Variants in FRAS1 observed in about 807,000 individuals in gnomAD.
FRAS1 encodes extracellular matrix organizing protein FRAS1.
FRAS1 carries 290 observed loss-of-function variants against 435.2 expected under a neutral mutation model. That is an observed-to-expected ratio of 0.67 (90% confidence interval 0.61 to 0.73). FRAS1 has a LOEUF of 0.73. FRAS1 is among the 30% of genes least tolerant of loss of function. The pLI is 0.00. For synonymous variants in FRAS1, 1,800 were observed against 1,851.0 expected, an observed-to-expected ratio of 0.97 and a Z score of 0.71; for missense variants, 4,860 against 5,001.5, an observed-to-expected ratio of 0.97 and a Z score of 0.85.
At chr4:78,097,688 C>T (rs1741881049) in intron 2 of FRAS1, among the ~76,000 whole-genome samples, 1 of 152,106 alleles carries the variant, frequency 6.6e-6, no homozygotes, top group African/African-American at 2.4e-5. Context: ...AAGACCTGCC[C>T]CCATCATTCA....
intron 2 of FRAS1, among the ~76,000 whole-genome samples, chr4:78,160,368 T>C (rs1027127090): frequency 1.3e-5 from 2 of 152,232 alleles, no homozygotes; most frequent in African/African-American, 2.4e-5. Context: ...TTTGAATCTA[T>C]TGCCAACATA....
At chr4:78,370,420 T>G (rs1731458032) in intron 23 of FRAS1, among the ~76,000 whole-genome samples, 1 of 152,234 alleles carries the variant, frequency 6.6e-6, no homozygotes, top group African/African-American at 2.4e-5. Context: ...GTTGGATATG[T>G]ATCCTGACAG....
At chr4:78,536,166 G>T (rs1331315303) in intron 71 of FRAS1, among the ~76,000 whole-genome samples, 1 of 149,392 alleles carries the variant, frequency 6.7e-6, no homozygotes, top group Non-Finnish European at 1.5e-5. Flanking sequence ...TTACATCCTT[G>T]AAGCATTCAG....
intron 2 of FRAS1, chr4:78,071,781 T>C (rs1170701104): frequency 2.0e-5 from 3 of 150,922 alleles, no homozygotes; most frequent in Non-Finnish European, 4.4e-5. Context: ...GCTACTATAT[T>C]GGACAGTGCA....
At chr4:78,404,315 A>G (rs1025695644) in intron 30 of FRAS1, among the ~76,000 whole-genome samples, 1 of 152,002 alleles carries the variant, frequency 6.6e-6, no homozygotes, top group African/African-American at 2.4e-5. Context: ...TCCCCAGTAG[A>G]GATCATTTTC....
intron 20 of FRAS1, among the ~76,000 whole-genome samples, chr4:78,356,410 CTT>C (rs1034623228): frequency 6.6e-6 from 1 of 152,164 alleles, no homozygotes; most frequent in Non-Finnish European, 1.5e-5. Context: ...CCAAATTCCA[CTT>C]TGTTTTCCTT....
intron 2 of FRAS1, among the ~76,000 whole-genome samples, chr4:78,138,874 T>C (rs890790821): frequency 1.3e-5 from 2 of 152,188 alleles, no homozygotes; most frequent in Non-Finnish European, 2.9e-5. Context: ...AAGTTGATCT[T>C]CCTTAGTCTT....
chr4:78,477,300 A>G (rs1719880276), intron 54 of FRAS1, among the ~76,000 whole-genome samples: 1 of 152,216 alleles, frequency 6.6e-6, no homozygotes, highest in Admixed American at 6.5e-5. Flanking sequence ...CTTCATATAC[A>G]AGACCTCCTT....
At position 78,375,789 on chromosome 4, in the gene FRAS1, T is replaced by C. The variant is rs758117585; in HGVS notation, c.3202T>C (p.Cys1068Arg). The change falls in exon 26 of 74, where the codon TGT becomes CGT. Residue 1068 changes from cysteine to arginine, a missense_variant. Cys to Arg is a radical substitution (Grantham distance 180, BLOSUM62 -3). Coordinates refer to ENST00000512123, the MANE Select transcript of FRAS1 (RefSeq NM_025074.7). ...QCSHRDRCHL[C>R]DHGFFLKSGL... ...CAGCCACAGGGACCGTTGTCACCTC[T>C]GTGACCATGGGTTCTTTCTGAAGAG... The C allele has an allele frequency of 6.2e-7, 1 of 1,612,394 alleles. No homozygotes were observed. Among genetic ancestry groups the C allele is most frequent in the Non-Finnish European group, 8.5e-7 (1 of 1,179,066 alleles).
intron 50 of FRAS1, among the ~76,000 whole-genome samples, chr4:78,469,651 A>G (rs908428927): frequency 2.0e-5 from 3 of 151,474 alleles, no homozygotes; most frequent in Non-Finnish European, 2.9e-5. Context: ...TTTTCATCCC[A>G]AGGCAGTATC....
At chr4:78,194,932 A>T (rs1321920656) in intron 2 of FRAS1, among the ~76,000 whole-genome samples, 1 of 151,848 alleles carries the variant, frequency 6.6e-6, no homozygotes, top group East Asian at 1.9e-4. Flanking sequence ...GATGGTGGTG[A>T]TGTACAGATG....
At chr4:78,539,920 T>C (rs1721997749) in intron 73 of FRAS1, among the ~76,000 whole-genome samples, 1 of 152,346 alleles carries the variant, frequency 6.6e-6, no homozygotes, top group Middle Eastern at 3.4e-3. Flanking sequence ...TAAATATTAA[T>C]CTATGACCCT....
Position 78,488,942 on chromosome 4 carries a change from T to A in FRAS1, c.8820T>A (p.Pro2940=), listed in dbSNP as rs367907173. The change falls in exon 59 of 74, where the codon CCT becomes CCA. Residue 2940 remains proline, a synonymous_variant. Coordinates refer to ENST00000512123, the MANE Select transcript of FRAS1 (RefSeq NM_025074.7). Reference sequence around the variant, plus strand: ...AGAAGGAGGGTGTCCTGCATGTCCCTATCACTCGGAGCGGAGACCTGAGCT... The same window carrying A: ...AGAAGGAGGGTGTCCTGCATGTCCCAATCACTCGGAGCGGAGACCTGAGCT... ...VKEKEGVLHV[P]ITRSGDLSYE... 57 of 1,613,444 alleles carry A rather than the reference T, an allele frequency of 3.5e-5. No individual in the cohort carries two copies. In the African/African-American group the frequency reaches 4.8e-4, roughly 14 times the overall value.
At chr4:78,453,004 G>A (rs1260939305) in intron 47 of FRAS1, among the ~76,000 whole-genome samples, 1 of 151,160 alleles carries the variant, frequency 6.6e-6, no homozygotes, top group East Asian at 1.9e-4. Flanking sequence ...TACAGAATTT[G>A]TATTCTTTCC....
At chr4:78,234,212 GTTTTA>G (rs1724637220) in intron 2 of FRAS1, among the ~76,000 whole-genome samples, 1 of 152,022 alleles carries the variant, frequency 6.6e-6, no homozygotes, top group Non-Finnish European at 1.5e-5. Flanking sequence ...TCACCTTCTT[GTTTTA>G]TTTTATTTAT....
chr4:78,412,988 C>T lies in FRAS1; in HGVS notation c.4328C>T (p.Ala1443Val). 6.2e-7 allele frequency: 1 copy of T among 1,606,486 alleles called. No homozygotes were observed. The change falls in exon 32 of 74, where the codon GCC (alanine) becomes GTC (valine). Residue 1443 changes from alanine to valine, a missense_variant. By Grantham distance (64) the Ala-to-Val change is moderately conservative. Transcript: ENST00000512123. ...FRFEVSSASN[A>V]QTRLESHMFN... ...TTTCAGGTGTCCAGTGCCTCCAATG[C>T]CCAGACCCGCCTGGAGAGCCACATG...
chr4:78,079,833 C>T (rs1351059870), intron 2 of FRAS1, among the ~76,000 whole-genome samples: 1 of 152,090 alleles, frequency 6.6e-6, no homozygotes, highest in Non-Finnish European at 1.5e-5. Flanking sequence ...AAGAAGAAAC[C>T]TTATGATTTA....
At chr4:78,402,836 A>T (rs1252425259) in intron 30 of FRAS1, among the ~76,000 whole-genome samples, 1 of 152,146 alleles carries the variant, frequency 6.6e-6, no homozygotes, top group African/African-American at 2.4e-5. Context: ...ACTCTTTTGA[A>T]GAGTGCTGGT....
intron 2 of FRAS1, among the ~76,000 whole-genome samples, chr4:78,162,356 A>C (rs984785452): frequency 6.6e-6 from 1 of 152,178 alleles, no homozygotes; most frequent in African/African-American, 2.4e-5. Flanking sequence ...TCGGTCTCCC[A>C]AAAAAATTTG....
Sources: allele counts gnomAD v4.1 joint callset (sites outside exome capture counted in the v4.1 genomes callset), GRCh38; gene constraint gnomAD v4.1.1; transcripts MANE v1.5; gene names NCBI Gene and HGNC (gene_info 2026-07-23, HGNC 2026-07-21).